The following DHRS7C variants were observed in gnomAD, a reference collection of about 807,000 sequenced individuals.
DHRS7C encodes dehydrogenase/reductase SDR family member 7C.
In DHRS7C, 28 loss-of-function variants were observed where a neutral mutation model predicts 29.6. The observed-to-expected ratio is 0.95, with a 90% CI of 0.70 to 1.30. The LOEUF (loss-of-function observed/expected upper bound fraction) is 1.30. DHRS7C is among the 50% of genes most tolerant of loss of function. The pLI is 0.00. For synonymous variants in DHRS7C, 158 were observed against 160.2 expected (o/e 0.99, Z 0.10); for missense variants, 403 against 393.3 (o/e 1.02, Z -0.21).
intron 1 of DHRS7C, among the ~76,000 whole-genome samples, 195 bp from the exon 2 acceptor site, chr17:9,781,789 C>T (rs771219330): frequency 1.1e-4 from 16 of 152,154 alleles, no homozygotes; most frequent in South Asian, 2.1e-4. Flanking sequence ...TAGTTGCTTC[C>T]GTGAAAGTGA....
intron 2 of DHRS7C, among the ~76,000 whole-genome samples, chr17:9,781,263 G>A (rs1392592706): frequency 6.6e-6 from 1 of 152,196 alleles, no homozygotes; most frequent in Non-Finnish European, 1.5e-5. Context: ...GCAAGGAGCT[G>A]TGGCTACAGA....
At chr17:9,790,987 T>C in intron 1 of DHRS7C, 144 bp downstream of exon 1, 3 of 1,005,956 alleles carry the variant, frequency 3.0e-6, no homozygotes, top group Non-Finnish European at 2.8e-6. Flanking sequence ...TGCTGGTTAA[T>C]GATAGAAGCT....
chr17:9,780,626 A>G (rs1438388364), intron 2 of DHRS7C, among the ~76,000 whole-genome samples: 1 of 152,200 alleles, frequency 6.6e-6, no homozygotes, highest in Non-Finnish European at 1.5e-5. Context: ...ACCAAGGGGT[A>G]AATGCAATCC....
intron 2 of DHRS7C, 101 bp from the exon 3 acceptor site, chr17:9,780,136 GATAATGA>G (rs2066385728): frequency 1.1e-6 from 1 of 915,540 alleles, no homozygotes; most frequent in Non-Finnish European, 1.6e-6. Flanking sequence ...GAAATTCAAA[GATAATGA>G]AATGACTGAA....
At chr17:9,776,929 T>C (rs1031043505) in intron 4 of DHRS7C, among the ~76,000 whole-genome samples, 2 of 152,182 alleles carry the variant, frequency 1.3e-5, no homozygotes, top group Admixed American at 6.5e-5. Context: ...GTTCACCTAG[T>C]GCATGTCCTG....
intron 3 of DHRS7C, among the ~76,000 whole-genome samples, chr17:9,777,920 T>A (rs959892207): frequency 6.6e-6 from 1 of 152,216 alleles, no homozygotes; most frequent in East Asian, 1.9e-4. Context: ...TAAATTCATG[T>A]TGGTTTTATA....
chr17:9,772,788 A>G lies in DHRS7C; in HGVS notation c.706T>C (p.Trp236Arg). ...SYHVYPEQGN[W>R]EASIWKFFFR... ...TCACATTTCCAAATGGAAGCTTCCC[A>G]GTTTCCTTGCTCTGGATACACGTGG... Residue 236 changes from tryptophan (W) to arginine (R), a missense_variant, in exon 5 of 6, where the codon TGG (tryptophan) becomes CGG (arginine). Transcript: ENST00000571134. 1 of 1,613,860 alleles carries G rather than the reference A, an allele frequency of 6.2e-7. No individual in the cohort carries two copies. The highest frequency in any genetic ancestry group is 8.5e-7 in the Non-Finnish European group (1 of 1,179,836).
intron 1 of DHRS7C, among the ~76,000 whole-genome samples, chr17:9,789,292 G>A (rs1009587185): frequency 3.9e-5 from 6 of 152,130 alleles, no homozygotes; most frequent in Admixed American, 6.6e-5. Flanking sequence ...TAAAAGAATC[G>A]AAATCATACA....
In DHRS7C at chr17:9,771,554, C is replaced by G. The variant is rs74613314; in HGVS notation, c.870G>C (p.Pro290=). ...KAAVYVRTFF[P]EFFFAVVACG... ...AGGCCACCACGGCGAAAAAGAACTC[C>G]GGGAAGAAGGTGCGGACGTACACGG... Residue 290 remains proline (P), a synonymous_variant, in exon 6 of 6, where the codon CCG becomes CCC. Transcript: ENST00000571134. The G allele has an allele frequency of 6.3e-7, 1 of 1,591,380 alleles. No homozygotes were observed. Among genetic ancestry groups the G allele is most frequent in the South Asian group, 1.1e-5 (1 of 87,914 alleles).
intron 1 of DHRS7C, among the ~76,000 whole-genome samples, chr17:9,790,219 G>A (rs10852916): frequency 0.46 from 70,198 of 151,924 alleles, 16,964 homozygotes; most frequent in East Asian, 0.69. Context: ...AGTGGACTCA[G>A]TGGACACTTA....
At chr17:9,777,323 T>G in intron 3 of DHRS7C, 38 bp from the exon 4 acceptor site, 1 of 1,582,488 alleles carries the variant, frequency 6.3e-7, no homozygotes, top group Non-Finnish European at 8.7e-7. Context: ...GTTAAAACTT[T>G]GAGACTGAGT....
chr17:9,779,744 G>A, intron 3 of DHRS7C, 81 bp downstream of exon 3: 1 of 1,404,712 alleles, frequency 7.1e-7, no homozygotes, highest in Non-Finnish European at 9.7e-7. Flanking sequence ...TATAGAATAG[G>A]ATGACTGTCT....
chr17:9,790,404 A>C (rs866308337), intron 1 of DHRS7C, among the ~76,000 whole-genome samples: 10 of 152,228 alleles, frequency 6.6e-5, no homozygotes, highest in Admixed American at 6.5e-4. Context: ...CATGTCATAG[A>C]TGTCACCAGC....
chr17:9,791,473 G>A lies in DHRS7C; in HGVS notation c.-189C>T, dbSNP rs1689713718. Among the ~76,000 whole-genome samples, 1 of 152,244 alleles carries A rather than the reference G, an allele frequency of 6.6e-6. No homozygotes were observed. Among genetic ancestry groups the A allele is most frequent in the African/African-American group, 2.4e-5 (1 of 41,480 alleles). On this transcript the variant is annotated 5_prime_UTR_variant, in exon 1 of 6. Coordinates refer to ENST00000571134, the MANE Select transcript of DHRS7C (RefSeq NM_001105571.3). ...ATAGGAAGTTACTCACAGTGTCTCC[G>A]AAAGCAGACCGAATCCAGGGGGCCT...
Position 9,779,835 on chromosome 17 carries a change from T to G in DHRS7C, c.468A>C (p.Thr156=), listed in dbSNP as rs776786227. The part of the protein sequence containing the change: ...IMDANYFGPI[T]LTKALLPNMI... ...TCAAACTCACGAGACCTTTCGTCAA[T>G]GTGATGGGGCCAAAGTAATTGGCAT... is the stretch of plus-strand genomic sequence containing the variant. The change falls in exon 3 of 6, where the codon ACA becomes ACC. Residue 156 remains threonine (T), a synonymous_variant. Coordinates refer to ENST00000571134, the MANE Select transcript of DHRS7C (RefSeq NM_001105571.3). 1.1e-5 allele frequency: 17 copies of G among 1,612,558 alleles called. No homozygotes were observed. Among genetic ancestry groups the G allele is most frequent in the Non-Finnish European group, 1.4e-5 (17 of 1,179,328 alleles).
chr17:9,791,444 A>G lies in DHRS7C; in HGVS notation c.-160T>C. The G allele has an allele frequency of 1.3e-6, 1 of 765,966 alleles. No individual in the cohort carries two copies. The highest frequency in any genetic ancestry group is 2.8e-5 in the East Asian group (1 of 35,142). 47.4% of individuals were successfully genotyped at this position (765,966 alleles called of 1,614,324 possible). On this transcript the variant is annotated 5_prime_UTR_variant, in exon 1 of 6. Coordinates refer to ENST00000571134, the MANE Select transcript of DHRS7C (RefSeq NM_001105571.3). ...GGGCGTGCTAATCCCCAAATGTTCA[A>G]CAAATAGGAAGTTACTCACAGTGTC...
rs377600579 is a variant in DHRS7C at position 9,771,725 on chromosome 17, T to C, written c.728-29A>G. 124 of 1,408,276 alleles carry C rather than the reference T, an allele frequency of 8.8e-5. No homozygotes were observed. In the African/African-American group the frequency reaches 1.7e-3, roughly 19 times the overall value. The allele number at this position is 1,408,276 out of a possible 1,614,324, so 87.2% of individuals were successfully genotyped here. On this transcript the variant is annotated intron_variant, in intron 5 of 5. Transcript: ENST00000571134. ...AAAGGCCCCAGTTGGGGGCGGGGGT[T>C]ATGACCTCCGTGGGGACCCGGCTGG...
chr17:9,771,449 C>G lies in DHRS7C; in HGVS notation c.*39G>C. On this transcript the variant is annotated 3_prime_UTR_variant, in exon 6 of 6. Coordinates refer to ENST00000571134, the MANE Select transcript of DHRS7C (RefSeq NM_001105571.3). ...GAAGCGCCAGCACCTGCCAGAAAAA[C>G]CTTTATTTCCAAGGGGTGGCCCATT... The G allele has an allele frequency of 1.4e-6, 2 of 1,437,682 alleles. No individual in the cohort carries two copies. Among genetic ancestry groups the G allele is most frequent in the Non-Finnish European group, 1.8e-6 (2 of 1,088,948 alleles). 89.1% of individuals were successfully genotyped at this position (1,437,682 alleles called of 1,614,324 possible). A position where few individuals can be genotyped will look rare whatever the true frequency, so the allele number is the denominator to read the frequency against.
Position 9,777,213 on chromosome 17 carries a change from C to A in DHRS7C, c.551G>T (p.Gly184Val). 3.1e-6 allele frequency: 5 copies of A among 1,613,614 alleles called. No individual in the cohort carries two copies. Among genetic ancestry groups the A allele is most frequent in the Non-Finnish European group, 4.2e-6 (5 of 1,179,750 alleles). Reference sequence around the variant, plus strand: ...CTTACAAGTCGTACGGAACGGGATTCCAAACTTCCCTTGGATATTATTCAC... The same window carrying A: ...CTTACAAGTCGTACGGAACGGGATTACAAACTTCCCTTGGATATTATTCAC... ...VLVNNIQGKF[G>V]IPFRTTYAAS... The change falls in exon 4 of 6, where the codon GGA becomes GTA. Residue 184 changes from glycine (G) to valine (V), a missense_variant. By Grantham distance (109) the Gly-to-Val change is moderately radical. Transcript: ENST00000571134.
Sources: gnomAD v4.1 joint callset for allele counts (sites outside exome capture counted in the v4.1 genomes callset) on GRCh38, gnomAD v4.1.1 for gene constraint, MANE v1.5 for transcripts, NCBI Gene and HGNC (gene_info 2026-07-23, HGNC 2026-07-21) for gene names.